Variants in SULF2 observed in about 807,000 individuals in gnomAD.
The protein encoded by SULF2 is extracellular sulfatase Sulf-2.
In SULF2, 52 loss-of-function variants were observed where a neutral mutation model predicts 107.7. That is an observed-to-expected ratio of 0.48 (90% CI 0.39 to 0.61). SULF2 has a LOEUF of 0.61. Ranked by LOEUF, SULF2 falls within the 20% of genes least tolerant of loss-of-function variation. The probability of loss-of-function intolerance (pLI) is 0.00; values close to 1 mark genes in which losing one functional copy is unlikely to be tolerated. For synonymous variants in SULF2, 460 were observed against 464.3 expected (o/e 0.99, Z 0.12); for missense variants, 993 against 1,177.3 (o/e 0.84, Z 2.29).
chr20:47,701,867 C>A (rs1452981077), intron 4 of SULF2, among the ~76,000 whole-genome samples: 1 of 152,114 alleles, frequency 6.6e-6, no homozygotes, highest in Non-Finnish European at 1.5e-5. Flanking sequence ...CGTGAGGGGA[C>A]TGCTGCGGGC....
rs989081919 is a variant in SULF2, at chr20:47,781,292, C to G, written c.-101+4051G>C. On this transcript the variant is annotated intron_variant, in intron 1 of 20. Coordinates refer to ENST00000688720, the MANE Select transcript of SULF2 (RefSeq NM_001387048.1). ...AGCATTGCTCACATTAGTGGCCCATCATCGCAGGCACTGGCCATCTGCCTC... is the reference window on the plus strand; with the variant it reads ...AGCATTGCTCACATTAGTGGCCCATGATCGCAGGCACTGGCCATCTGCCTC... Among the ~76,000 whole-genome samples, 18 of 152,258 alleles carry G rather than the reference C, an allele frequency of 1.2e-4. No homozygotes were observed. The East Asian group carries it at 1.3e-3, about 11-fold the overall frequency.
chr20:47,683,575 T>C (rs2087900658), intron 6 of SULF2, among the ~76,000 whole-genome samples: 1 of 152,246 alleles, frequency 6.6e-6, no homozygotes, highest in Non-Finnish European at 1.5e-5. Flanking sequence ...GGCAGGATCT[T>C]GCGATCTGGA....
chr20:47,664,763 A>G (rs928854432), intron 14 of SULF2, among the ~76,000 whole-genome samples: 3 of 152,242 alleles, frequency 2.0e-5, no homozygotes, highest in Non-Finnish European at 2.9e-5. Flanking sequence ...AATTTTAAGT[A>G]TGCACCAGCC....
At chr20:47,715,114 TAG>T (rs2089072332) in intron 3 of SULF2, among the ~76,000 whole-genome samples, 1 of 119,936 alleles carries the variant, frequency 8.3e-6, no homozygotes, top group Non-Finnish European at 1.8e-5. Flanking sequence ...TTTTTTTTTG[TAG>T]AGACAGGGTT....
rs190609803 is a variant in SULF2, at chr20:47,678,627, G to T, written c.1193+49C>A. On this transcript the variant is annotated intron_variant, in intron 8 of 20. Transcript: ENST00000688720. The surrounding 1 kb of genome is among the most constrained non-coding windows in gnomAD (Gnocchi z 4.5). ...CCACAGGGTTTTGCTCTGAGTTCCC[G>T]CAGGTCAATGTCCCGGCCCCCTCAA... is the stretch of plus-strand genomic sequence containing the variant. The T allele has an allele frequency of 7.5e-6, 12 of 1,606,018 alleles. No individual in the cohort carries two copies. Among genetic ancestry groups the T allele is most frequent in the Non-Finnish European group, 8.5e-6 (10 of 1,175,536 alleles).
At chr20:47,746,475 C>T (rs1025996168) in intron 2 of SULF2, among the ~76,000 whole-genome samples, 2 of 152,176 alleles carry the variant, frequency 1.3e-5, no homozygotes, top group African/African-American at 2.4e-5. Context: ...CTGGAATGTC[C>T]GCAGTGCTGT....
At chr20:47,677,421 T>TGTGTGTGTGC (rs2087683569) in intron 8 of SULF2, among the ~76,000 whole-genome samples, 1 of 144,392 alleles carries the variant, frequency 6.9e-6, no homozygotes, top group Non-Finnish European at 1.5e-5. Flanking sequence ...TGTGTGTGTG[T>TGTGTGTGTGC]GTGTGTGTGC....
intron 18 of SULF2, chr20:47,661,449 C>T (rs2087062974): frequency 5.3e-6 from 1 of 190,230 alleles, no homozygotes; most frequent in Non-Finnish European, 1.1e-5. Flanking sequence ...AGGATGGGGT[C>T]ATCTTTAGTC....
rs780379585 is a variant in SULF2 at position 47,678,801 on chromosome 20, A to G, written c.1068T>C (p.Asn356=). ...GGTCAATGTTGAGGACGATGTGGGGATTCCTGGGGGAGGCAGGAGATCGGG... is the reference window on the plus strand; with the variant it reads ...GGTCAATGTTGAGGACGATGTGGGGGTTCCTGGGGGAGGCAGGAGATCGGG... The part of the protein sequence containing the change: ...RGPNVEAGCL[N]PHIVLNIDLA... Residue 356 remains asparagine, a synonymous_variant, in exon 8 of 21, where the codon AAT becomes AAC. Coordinates refer to ENST00000688720, the MANE Select transcript of SULF2 (RefSeq NM_001387048.1). The surrounding 1 kb of genome is among the most constrained non-coding windows in gnomAD (Gnocchi z 4.5). 86 of 1,612,948 alleles carry G rather than the reference A, an allele frequency of 5.3e-5. No homozygotes were observed. Among genetic ancestry groups the G allele is most frequent in the Admixed American group, 1.5e-4 (9 of 59,946 alleles).
intron 3 of SULF2, among the ~76,000 whole-genome samples, chr20:47,720,092 G>A (rs1429104151): frequency 4.6e-5 from 7 of 152,148 alleles, no homozygotes; most frequent in Middle Eastern, 3.4e-3. Context: ...CGGACTGCAG[G>A]CACCTGCCAC....
chr20:47,740,898 C>T (rs1177921746), intron 2 of SULF2, among the ~76,000 whole-genome samples: 1 of 152,106 alleles, frequency 6.6e-6, no homozygotes, highest in African/African-American at 2.4e-5. Context: ...CCCTCCTGCT[C>T]CTCCCGAAGC....
intron 5 of SULF2, 64 bp from the exon 6 acceptor site, chr20:47,684,645 GC>G: frequency 6.4e-7 from 1 of 1,551,214 alleles, no homozygotes; most frequent in Non-Finnish European, 8.8e-7. Context: ...CCTGGCCCCC[GC>G]CAGACCCGCC....
rs1342480404 is a variant in SULF2 at position 47,731,182 on chromosome 20, C to CTTTTTTTTTTTTTTT, written c.415+5520_415+5521insAAAAAAAAAAAAAAA. 2.5e-3 allele frequency among the ~76,000 whole-genome samples: 245 copies of CTTTTTTTTTTTTTTT among 99,424 alleles called. 6 individuals are homozygous for CTTTTTTTTTTTTTTT. Among genetic ancestry groups the CTTTTTTTTTTTTTTT allele is most frequent in the Non-Finnish European group, 3.5e-3 (190 of 53,894 alleles). The allele number at this position is 99,424 out of a possible 152,430, so 65.2% of individuals were successfully genotyped here. A position where few individuals can be genotyped will look rare whatever the true frequency, so the allele number is the denominator to read the frequency against. On this transcript the variant is annotated intron_variant, in intron 3 of 20. Transcript: ENST00000688720. ...GACTCTGCCTGCTACTCACCTGTAT[C>CTTTTTTTTTTTTTTT]TTCTCTTTTTTTTTTTTTTTTTTTT...
chr20:47,722,205 C>A (rs1017971723), intron 3 of SULF2, among the ~76,000 whole-genome samples: 14 of 152,116 alleles, frequency 9.2e-5, no homozygotes, highest in Non-Finnish European at 1.6e-4. Flanking sequence ...ATCTAAATTC[C>A]ATTTTGTTTT....
chr20:47,746,079 T>C (rs2090028553), intron 2 of SULF2, among the ~76,000 whole-genome samples: 1 of 152,258 alleles, frequency 6.6e-6, no homozygotes, highest in Admixed American at 6.5e-5. Flanking sequence ...AAGGCCCACT[T>C]GACAAGGTCC....
chr20:47,719,436 C>T (rs2089222820), intron 3 of SULF2, among the ~76,000 whole-genome samples: 1 of 152,142 alleles, frequency 6.6e-6, no homozygotes, highest in African/African-American at 2.4e-5. Context: ...TGGGATGCTG[C>T]TTTAGATAAG....
intron 1 of SULF2, among the ~76,000 whole-genome samples, chr20:47,759,537 C>T (rs533315501): frequency 9.2e-5 from 14 of 152,144 alleles, no homozygotes; most frequent in African/African-American, 2.4e-4. Context: ...ACTAAAAATA[C>T]GCAAATTAGC....
chr20:47,674,799 G>A (rs1400591484), intron 10 of SULF2, among the ~76,000 whole-genome samples: 3 of 152,194 alleles, frequency 2.0e-5, no homozygotes, highest in Admixed American at 2.0e-4. Flanking sequence ...CACTGGGCAG[G>A]GCATTCCAGA....
rs1003215579 is a variant in SULF2, at chr20:47,736,995, G to A, written c.176-53C>T. Reference sequence around the variant, plus strand: ...CAGGGCAGGAGACCCGGGCGGCACCGGCACCAGGGGGCTCTCAGCACGTGG... The same window carrying A: ...CAGGGCAGGAGACCCGGGCGGCACCAGCACCAGGGGGCTCTCAGCACGTGG... On this transcript the variant is annotated intron_variant, in intron 2 of 20. Transcript: ENST00000688720. 71 of 1,606,274 alleles carry A rather than the reference G, an allele frequency of 4.4e-5. No individual in the cohort carries two copies. The East Asian group carries it at 6.0e-4, about 14-fold the overall frequency.
Sources: allele counts gnomAD v4.1 joint callset (sites outside exome capture counted in the v4.1 genomes callset), GRCh38; gene constraint gnomAD v4.1.1; non-coding constraint Gnocchi (gnomAD v3.1); transcripts MANE v1.5; gene names NCBI Gene and HGNC (gene_info 2026-07-23, HGNC 2026-07-21).